The following TOR1A variants were observed in gnomAD, a reference collection of about 807,000 sequenced individuals.
TOR1A encodes torsin-1A.
In TOR1A, 18 loss-of-function variants were observed where a neutral mutation model predicts 31.4. The ratio of observed to expected loss-of-function variants is 0.57; its 90% CI spans 0.40 to 0.85. TOR1A has a LOEUF of 0.85. Among genes scored for constraint, TOR1A ranks in the 40% least tolerant of loss-of-function variants. The pLI is 0.00. For synonymous variants in TOR1A, 168 were observed against 165.9 expected (o/e 1.01, Z -0.10); for missense variants, 375 against 416.4 (o/e 0.90, Z 0.87).
intron 2 of TOR1A, among the ~76,000 whole-genome samples, chr9:129,819,754 T>TA (rs558289594): frequency 1.6e-3 from 233 of 141,260 alleles, no homozygotes; most frequent in African/African-American, 4.0e-3. Flanking sequence ...AAGACTCCAT[T>TA]AAAAAAAAAA....
chr9:129,817,059 A>G (rs1564183193), intron 4 of TOR1A, among the ~76,000 whole-genome samples: 2 of 152,220 alleles, frequency 1.3e-5, no homozygotes. Flanking sequence ...GTTCAAGGTC[A>G]AAGGTCTCAT....
At chr9:129,817,023 A>G (rs2131003389) in intron 4 of TOR1A, among the ~76,000 whole-genome samples, 1 of 152,310 alleles carries the variant, frequency 6.6e-6, no homozygotes, top group Non-Finnish European at 1.5e-5. Context: ...GTCAGCCTCC[A>G]TCAGGCTGGC....
chr9:129,822,353 C>G, intron 2 of TOR1A: 1 of 634,848 alleles, frequency 1.6e-6, no homozygotes, highest in South Asian at 1.6e-5. Flanking sequence ...TCCCATGACC[C>G]TACATACTCA....
intron 4 of TOR1A, among the ~76,000 whole-genome samples, chr9:129,815,560 C>T (rs2031015137): frequency 6.6e-6 from 1 of 152,180 alleles, no homozygotes; most frequent in South Asian, 2.1e-4. Flanking sequence ...GCCCGAGCAA[C>T]AAGGACCCAG....
rs1405486019 is a variant in TOR1A, at chr9:129,824,027, G to A, written c.59C>T (p.Ala20Val). 3.1e-6 allele frequency: 5 copies of A among 1,608,444 alleles called. No individual in the cohort carries two copies. The Admixed American group carries it at 5.0e-5, about 16-fold the overall frequency. Residue 20 changes from alanine (A) to valine (V), a missense_variant, in exon 1 of 5, where the codon GCG becomes GTG. Ala to Val is a moderately conservative substitution (Grantham distance 64). Coordinates refer to ENST00000351698, the MANE Select transcript of TOR1A (RefSeq NM_000113.3). ...CAGTCCCAGGCTGATGGGCTCCACC[G>A]CCTGCACCACGGACGGCGCCAGCAG... ...LLLLAPSVVQ[A>V]VEPISLGLAL...
At chr9:129,816,418 G>A (rs1229953349) in intron 4 of TOR1A, among the ~76,000 whole-genome samples, 1 of 152,174 alleles carries the variant, frequency 6.6e-6, no homozygotes, top group Non-Finnish European at 1.5e-5. Context: ...GTGTGCATAT[G>A]TACTGCATGT....
Position 129,818,922 on chromosome 9 carries a change from T to C in TOR1A, c.445-2A>G. 6.2e-7 allele frequency: 1 copy of C among 1,612,530 alleles called. No individual in the cohort carries two copies. Among genetic ancestry groups the C allele is most frequent in the Non-Finnish European group, 8.5e-7 (1 of 1,179,978 alleles). On this transcript the variant is annotated splice_acceptor_variant, in intron 2 of 4. Transcript: ENST00000351698. LOFTEE classifies it high-confidence loss of function. ...TCGAATCCACAACTGTAACTGATCCTGAATTAAAAGGGGAAAAAGCGAACA... is the reference window on the plus strand; with the variant it reads ...TCGAATCCACAACTGTAACTGATCCCGAATTAAAAGGGGAAAAAGCGAACA...
intron 2 of TOR1A, chr9:129,822,140 C>T (rs1054104995): frequency 3.5e-6 from 1 of 282,074 alleles, no homozygotes; most frequent in Non-Finnish European, 6.9e-6. Context: ...GTGGCAGGAC[C>T]CTGTAATCCC....
intron 2 of TOR1A, among the ~76,000 whole-genome samples, chr9:129,820,834 A>C (rs1170097871): frequency 6.6e-6 from 1 of 152,142 alleles, no homozygotes; most frequent in Non-Finnish European, 1.5e-5. Context: ...CTTGAGCTCA[A>C]GGGATCAGCC....
At chr9:129,818,095 T>C (rs1588216442) in intron 4 of TOR1A, among the ~76,000 whole-genome samples, 1 of 151,584 alleles carries the variant, frequency 6.6e-6, no homozygotes, top group Non-Finnish European at 1.5e-5. Flanking sequence ...TCACCTGAGG[T>C]AAGAGTTCAA....
At chr9:129,814,379 AC>A (rs1182422921) in intron 4 of TOR1A, among the ~76,000 whole-genome samples, 157 bp from the exon 5 acceptor site, 3 of 36,262 alleles carry the variant, frequency 8.3e-5, no homozygotes, top group Admixed American at 2.6e-4. Context: ...TCACCCACCC[AC>A]CCCCCCCACA....
intron 3 of TOR1A, 21 bp from the exon 4 acceptor site, chr9:129,818,668 G>T: frequency 6.2e-7 from 1 of 1,614,166 alleles, no homozygotes; most frequent in Non-Finnish European, 8.5e-7. Context: ...ATCCCAGTGG[G>T]TAAGGACAGG....
intron 4 of TOR1A, among the ~76,000 whole-genome samples, chr9:129,815,201 A>G (rs1224596706): frequency 2.0e-5 from 3 of 152,258 alleles, no homozygotes; most frequent in African/African-American, 7.2e-5. Context: ...CACTGGGTTA[A>G]TGCTTTTCAT....
rs117581458 is a variant in TOR1A at position 129,813,773 on chromosome 9, C to T, written c.*199G>A. The T allele has an allele frequency of 1.8e-5, 13 of 730,552 alleles. No individual in the cohort carries two copies. The East Asian group carries it at 1.9e-4, about 11-fold the overall frequency. The allele number at this position is 730,552 out of a possible 1,614,324, so 45.3% of individuals were successfully genotyped here. The stretch of plus-strand genomic sequence containing the variant: ...TTCTGTGCGTGTTCGGGAGGCTTCA[C>T]GTCCTCGCCCGTGGTCCCTGGGTGG... On this transcript the variant is annotated 3_prime_UTR_variant, in exon 5 of 5. Transcript: ENST00000351698.
At position 129,821,886 on chromosome 9, in the gene TOR1A, C is replaced by A. The variant is rs188626021; in HGVS notation, c.444+695G>T. 445 of 152,450 alleles carry A rather than the reference C, an allele frequency of 2.9e-3. 1 individual carries two copies. Among genetic ancestry groups the A allele is most frequent in the African/African-American group, 0.01 (422 of 40,948 alleles). The allele number at this position is 152,450 out of a possible 1,614,324, so 9.4% of individuals were successfully genotyped here. ...TCCAGCCTGGACAACAGAGTGAGAC[C>A]CTGACTCAAAGAAAAAAAAAAAAAG... On this transcript the variant is annotated intron_variant, in intron 2 of 4. Transcript: ENST00000351698.
intron 2 of TOR1A, among the ~76,000 whole-genome samples, chr9:129,820,606 C>T (rs2031161308): frequency 6.6e-6 from 1 of 151,896 alleles, no homozygotes; most frequent in Admixed American, 6.6e-5. Context: ...TAGAATGGTT[C>T]TTGTTTGTTT....
chr9:129,814,677 G>A (rs1187306378), intron 4 of TOR1A, among the ~76,000 whole-genome samples: 5 of 151,366 alleles, frequency 3.3e-5, no homozygotes, highest in Admixed American at 6.6e-5. Flanking sequence ...TTAAGAGATC[G>A]AAGATGGGAA....
At position 129,823,926 on chromosome 9, in the gene TOR1A, G is replaced by A. The variant is rs568732394; in HGVS notation, c.160C>T (p.Arg54Trp). Residue 54 changes from arginine to tryptophan, a missense_variant, in exon 1 of 5, where the codon CGG becomes TGG. By Grantham distance (101) the Arg-to-Trp change is moderately radical. Transcript: ENST00000351698. Reference sequence around the variant, plus strand: ...AGCCTACCCTCCCGGCTAAGGCTCCGCTTCTGCCCGCAGCACTCGGCGAAG... The same window carrying A: ...AGCCTACCCTCCCGGCTAAGGCTCCACTTCTGCCCGCAGCACTCGGCGAAG... The part of the protein sequence containing the change: ...CLFAECCGQK[R>W]SLSREALQKD... 3.6e-5 allele frequency: 50 copies of A among 1,387,308 alleles called. No homozygotes were observed. The South Asian group carries it at 3.8e-4, about 11-fold the overall frequency. 85.9% of individuals were successfully genotyped at this position (1,387,308 alleles called of 1,614,324 possible). A position where few individuals can be genotyped will look rare whatever the true frequency, so the allele number is the denominator to read the frequency against.
At chr9:129,822,355 A>T in intron 2 of TOR1A, 1 of 627,578 alleles carries the variant, frequency 1.6e-6, no homozygotes, top group Non-Finnish European at 2.9e-6. Flanking sequence ...CCATGACCCT[A>T]CATACTCACT....
Sources: gnomAD v4.1 joint callset for allele counts (sites outside exome capture counted in the v4.1 genomes callset) on GRCh38, gnomAD v4.1.1 for gene constraint, MANE v1.5 for transcripts, NCBI Gene and HGNC (gene_info 2026-07-23, HGNC 2026-07-21) for gene names.